ANKS1B: variants seen among roughly 807,000 people sequenced by gnomAD.
The protein encoded by ANKS1B is ankyrin repeat and sterile alpha motif domain containing 1B.
A neutral mutation model predicts 148.3 loss-of-function variants in ANKS1B; 36 were observed. The ratio of observed to expected loss-of-function variants is 0.24; its 90% CI spans 0.19 to 0.32. The LOEUF (loss-of-function observed/expected upper bound fraction) is 0.32, where lower values mean the gene tolerates loss of function less well. ANKS1B is among the 10% of genes least tolerant of loss of function. The pLI is 1.00. For missense variants in ANKS1B, 1,157 were observed against 1,542.6 expected (o/e 0.75, Z 4.19); for synonymous variants, 542 against 560.8 (o/e 0.97, Z 0.47).
At chr12:99,730,761 G>T (rs1409329570) in intron 8 of ANKS1B, among the ~76,000 whole-genome samples, 1 of 152,198 alleles carries the variant, frequency 6.6e-6, no homozygotes, top group African/African-American at 2.4e-5. Flanking sequence ...AAGGGGATAG[G>T]AGGGAAAGGG....
intron 14 of ANKS1B, among the ~76,000 whole-genome samples, chr12:99,191,071 G>A (rs1373434697): frequency 6.6e-6 from 1 of 151,710 alleles, no homozygotes; most frequent in African/African-American, 2.4e-5. Flanking sequence ...AATAAGACAT[G>A]TATGCAGCCA....
chr12:99,254,773 AT>A (rs2075060599), intron 12 of ANKS1B, among the ~76,000 whole-genome samples: 2 of 152,094 alleles, frequency 1.3e-5, no homozygotes, highest in Non-Finnish European at 2.9e-5. Context: ...CAGTTATGTA[AT>A]TTTTCTCCTT....
Position 99,243,721 on chromosome 12 carries a change from T to C in ANKS1B, c.2419+621A>G, listed in dbSNP as rs1348861173. On this transcript the variant is annotated intron_variant, in intron 14 of 26. Coordinates refer to ENST00000683438, the MANE Select transcript of ANKS1B (RefSeq NM_001352186.2). ...CATTAAAAGGATGAGCTCATGTCCT[T>C]TGCAGGGACATGGATGAAGCAGGAA... Among the ~76,000 whole-genome samples the C allele has an allele frequency of 2.6e-5, 4 of 152,308 alleles. No homozygotes were observed. In the East Asian group the frequency reaches 7.7e-4, roughly 29 times the overall value.
At chr12:99,680,100 C>T (rs185522146) in intron 8 of ANKS1B, among the ~76,000 whole-genome samples, 103 of 152,314 alleles carry the variant, frequency 6.8e-4, no homozygotes, top group Admixed American at 6.3e-3. Context: ...AGGATTTAAA[C>T]TTATCTAGAG....
intron 17 of ANKS1B, among the ~76,000 whole-genome samples, chr12:98,970,094 C>G (rs1417008172): frequency 6.6e-6 from 1 of 152,088 alleles, no homozygotes; most frequent in African/African-American, 2.4e-5. Flanking sequence ...AGTTACTGCC[C>G]CCTGTTTCTC....
intron 9 of ANKS1B, among the ~76,000 whole-genome samples, chr12:99,536,514 T>C (rs183712777): frequency 3.9e-5 from 6 of 152,314 alleles, no homozygotes; most frequent in African/African-American, 1.4e-4. Context: ...GTTCCAGTGG[T>C]TGGGAATAGT....
rs1015070064 is a variant in ANKS1B, at chr12:99,139,321, C to T, written c.2526+14968G>A. 1.0e-4 allele frequency among the ~76,000 whole-genome samples: 11 copies of T among 109,580 alleles called. 1 individual carries two copies. The highest frequency in any genetic ancestry group is 1.9e-4 in the Non-Finnish European group (10 of 53,062). 71.9% of individuals were successfully genotyped at this position (109,580 alleles called of 152,430 possible). A position where few individuals can be genotyped will look rare whatever the true frequency, so the allele number is the denominator to read the frequency against. On this transcript the variant is annotated intron_variant, in intron 15 of 26. Coordinates refer to ENST00000683438, the MANE Select transcript of ANKS1B (RefSeq NM_001352186.2). The stretch of plus-strand genomic sequence containing the variant: ...TCTCTCTCTCTCCTTCTCCCCTTCT[C>T]TCCTTTCTCTCTTTCCCTACCTTCC...
intron 10 of ANKS1B, among the ~76,000 whole-genome samples, chr12:99,467,524 G>A (rs11109856): frequency 0.15 from 23,281 of 152,176 alleles, 2,230 homozygotes; most frequent in South Asian, 0.22. Context: ...TGACATGATT[G>A]TATATCTAGA....
At chr12:98,894,395 G>C (rs1317301190) in intron 17 of ANKS1B, among the ~76,000 whole-genome samples, 1 of 152,086 alleles carries the variant, frequency 6.6e-6, no homozygotes, top group African/African-American at 2.4e-5. Context: ...ACCCGGGGGT[G>C]GTGGGGGAAT....
intron 16 of ANKS1B, among the ~76,000 whole-genome samples, chr12:99,078,689 T>G (rs2048636320): frequency 6.6e-6 from 1 of 152,200 alleles, no homozygotes; most frequent in Non-Finnish European, 1.5e-5. Flanking sequence ...CAATGGAAAC[T>G]AGGCTGTAAA....
At chr12:99,852,364 G>T (rs1213599772) in intron 1 of ANKS1B, among the ~76,000 whole-genome samples, 1 of 152,130 alleles carries the variant, frequency 6.6e-6, no homozygotes, top group Non-Finnish European at 1.5e-5. Context: ...GGTATCTTAA[G>T]AATCTCTGTA....
At chr12:99,197,111 G>A (rs1265876162) in intron 14 of ANKS1B, among the ~76,000 whole-genome samples, 1 of 152,082 alleles carries the variant, frequency 6.6e-6, no homozygotes, top group African/African-American at 2.4e-5. Flanking sequence ...TGGGTCATAG[G>A]TCCAATCTGA....
At chr12:98,759,327 T>G (rs2098342549) in intron 25 of ANKS1B, among the ~76,000 whole-genome samples, 1 of 152,158 alleles carries the variant, frequency 6.6e-6, no homozygotes, top group Admixed American at 6.5e-5. Flanking sequence ...GCCAGTCCCA[T>G]GCCTAGCCTA....
At chr12:98,796,911 T>C (rs1428736500) in intron 22 of ANKS1B, among the ~76,000 whole-genome samples, 2 of 152,204 alleles carry the variant, frequency 1.3e-5, no homozygotes, top group African/African-American at 4.8e-5. Context: ...CTCAATTTCA[T>C]GAAATTGACT....
At chr12:99,373,217 A>G (rs1237837326) in intron 12 of ANKS1B, among the ~76,000 whole-genome samples, 1 of 152,184 alleles carries the variant, frequency 6.6e-6, no homozygotes, top group Non-Finnish European at 1.5e-5. Flanking sequence ...GTTCCCAAGG[A>G]AAGGGCAGGA....
intron 1 of ANKS1B, among the ~76,000 whole-genome samples, chr12:99,846,023 G>A (rs564880940): frequency 2.0e-5 from 3 of 152,110 alleles, no homozygotes; most frequent in African/African-American, 7.2e-5. Context: ...CTTGAATTAT[G>A]CCTTGTTATT....
chr12:99,039,797 G>A (rs994198848), intron 17 of ANKS1B, among the ~76,000 whole-genome samples: 35 of 152,286 alleles, frequency 2.3e-4, no homozygotes, highest in Middle Eastern at 3.4e-3. Flanking sequence ...CCACTAACTC[G>A]TCCTCTGCAG....
rs367637188 is a variant in ANKS1B, at chr12:99,246,506, G to A, written c.2115C>T (p.Asn705=). ...AGGCTCTCTCCACAAATCCCCCTGC[G>A]TTCATAACCCACTGGTCCCCATTCC... ...GSRNGDQWVM[N]AGGFVERACT... The change falls in exon 13 of 27, where the codon AAC becomes AAT. Residue 705 remains asparagine, a synonymous_variant. Coordinates refer to ENST00000683438, the MANE Select transcript of ANKS1B (RefSeq NM_001352186.2). The A allele has an allele frequency of 1.8e-5, 29 of 1,613,700 alleles. No homozygotes were observed. The highest frequency in any genetic ancestry group is 5.5e-5 in the South Asian group (5 of 91,066).
chr12:99,571,938 A>C (rs55701526), intron 9 of ANKS1B, among the ~76,000 whole-genome samples: 19,061 of 152,150 alleles, frequency 0.13, 1,540 homozygotes, highest in Non-Finnish European at 0.17. Flanking sequence ...ACAAACAAAC[A>C]AACCAATAAA....
Sources: allele counts gnomAD v4.1 joint callset (sites outside exome capture counted in the v4.1 genomes callset), GRCh38; gene constraint gnomAD v4.1.1; transcripts MANE v1.5; gene names NCBI Gene and HGNC (gene_info 2026-07-23, HGNC 2026-07-21).